RIGI: variants seen among roughly 807,000 people sequenced by gnomAD.
RIGI encodes the protein antiviral innate immune response receptor RIG-I.
the RIGI span, among the ~76,000 whole-genome samples, chr9:32,502,602 A>T: frequency 6.6e-6 from 1 of 152,226 alleles, no homozygotes; most frequent in African/African-American, 2.4e-5. Context: ...GGTTTAAACA[A>T]TAGAGGCTTA....
chr9:32,499,325 T>TTTTTTTTTTG, the RIGI span, among the ~76,000 whole-genome samples: 1 of 149,606 alleles, frequency 6.7e-6, no homozygotes, highest in African/African-American at 2.5e-5. Context: ...TGTTTTTTTT[T>TTTTTTTTTTG]TTTTTTTTTT....
chr9:32,462,376 C>G, the RIGI span, among the ~76,000 whole-genome samples: 1 of 137,014 alleles, frequency 7.3e-6, no homozygotes, highest in Non-Finnish European at 1.6e-5. Context: ...TTCAAATTTG[C>G]TTTATATAAA....
the RIGI span, chr9:32,488,619 T>C: frequency 1.9e-5 from 22 of 1,144,118 alleles, no homozygotes; most frequent in South Asian, 1.7e-4. Context: ...ATCTGGATTA[T>C]AAAAAAGCTG....
the RIGI span, among the ~76,000 whole-genome samples, chr9:32,478,074 T>G: frequency 6.6e-6 from 1 of 150,674 alleles, no homozygotes; most frequent in Non-Finnish European, 1.5e-5. Context: ...TGAGATGGAG[T>G]CTCCTGGCAC....
the RIGI span, chr9:32,466,473 T>TTTGAC: frequency 6.4e-7 from 1 of 1,559,158 alleles, no homozygotes; most frequent in Non-Finnish European, 8.7e-7. Flanking sequence ...AGTTGGTGTT[T>TTTGAC]TTGACTTAAA....
the RIGI span, among the ~76,000 whole-genome samples, chr9:32,513,207 T>G: frequency 1.3e-5 from 2 of 151,996 alleles, no homozygotes; most frequent in Non-Finnish European, 2.9e-5. Flanking sequence ...CTTCACAGAA[T>G]TGGAAAAAAC....
chr9:32,461,833 A>T, the RIGI span, among the ~76,000 whole-genome samples: 38 of 152,242 alleles, frequency 2.5e-4, no homozygotes, highest in African/African-American at 9.1e-4. Context: ...TCATCTATTT[A>T]TTATTTTATA....
chr9:32,489,412 C>T, the RIGI span: 1 of 1,613,330 alleles, frequency 6.2e-7, no homozygotes, highest in Non-Finnish European at 8.5e-7. Flanking sequence ...TTGGTAATTT[C>T]TTGGTTTAAA....
At chr9:32,526,010 A>G in the RIGI span, 1 of 1,390,778 alleles carries the variant, frequency 7.2e-7, no homozygotes, top group African/African-American at 1.4e-5. Context: ...GCAAGAGAAA[A>G]ACAAGTCCTC....
the RIGI span, among the ~76,000 whole-genome samples, chr9:32,518,533 T>G: frequency 6.6e-6 from 1 of 152,172 alleles, no homozygotes; most frequent in Admixed American, 6.5e-5. Flanking sequence ...AAATACAAAG[T>G]ATAAAAGGCT....
At chr9:32,479,010 C>T in the RIGI span, among the ~76,000 whole-genome samples, 1 of 152,218 alleles carries the variant, frequency 6.6e-6, no homozygotes, top group African/African-American at 2.4e-5. Flanking sequence ...AAATTGCTTG[C>T]ATCACTGGCA....
the RIGI span, among the ~76,000 whole-genome samples, chr9:32,501,325 CAAAAAAA>C: frequency 2.5e-5 from 3 of 121,846 alleles, no homozygotes; most frequent in Non-Finnish European, 3.3e-5. Flanking sequence ...CCAGCCTCTA[CAAAAAAA>C]AAAAAAAAAA....
the RIGI span, among the ~76,000 whole-genome samples, chr9:32,464,712 G>C: frequency 6.6e-6 from 1 of 152,136 alleles, no homozygotes; most frequent in African/African-American, 2.4e-5. Context: ...CTTCCCCTTT[G>C]AGCAGGGCAG....
At chr9:32,464,089 C>G in the RIGI span, among the ~76,000 whole-genome samples, 1 of 151,658 alleles carries the variant, frequency 6.6e-6, no homozygotes, top group Non-Finnish European at 1.5e-5. Flanking sequence ...GCAGGCCACA[C>G]ACAGACAATG....
the RIGI span, among the ~76,000 whole-genome samples, chr9:32,465,731 T>TTCTGAGATGAAAATC: frequency 6.6e-6 from 1 of 152,190 alleles, no homozygotes; most frequent in South Asian, 2.1e-4. Flanking sequence ...CTTCCAGAGA[T>TTCTGAGATGAAAATC]TCTGAGATGA....
the RIGI span, among the ~76,000 whole-genome samples, chr9:32,467,407 C>G: frequency 6.6e-6 from 1 of 152,118 alleles, no homozygotes; most frequent in Non-Finnish European, 1.5e-5. Context: ...CCAGGTGGGG[C>G]AGAACAACTC....
chr9:32,479,836 CAAAA>C, the RIGI span, among the ~76,000 whole-genome samples: 1 of 111,654 alleles, frequency 9.0e-6, no homozygotes, highest in Non-Finnish European at 1.8e-5. Context: ...GACTCCATCT[CAAAA>C]AAAAAAAAAA....
the RIGI span, chr9:32,493,905 A>G: frequency 3.7e-6 from 6 of 1,608,476 alleles, no homozygotes; most frequent in Non-Finnish European, 4.2e-6. Context: ...TTTTTTTGAA[A>G]TCCCAACTTT....
the RIGI span, among the ~76,000 whole-genome samples, chr9:32,495,658 C>T: frequency 3.0e-5 from 4 of 131,378 alleles, no homozygotes; most frequent in African/African-American, 1.1e-4. Flanking sequence ...AAGTCCTTTG[C>T]CTTTTTTTTT....
Sources: allele counts gnomAD v4.1 joint callset (sites outside exome capture counted in the v4.1 genomes callset), GRCh38; gene constraint gnomAD v4.1.1; transcripts MANE v1.5; gene names NCBI Gene and HGNC (gene_info 2026-07-23, HGNC 2026-07-21).